The following TNFRSF11A variants were observed in gnomAD, a reference collection of about 807,000 sequenced individuals.
TNFRSF11A encodes the protein TNF receptor superfamily member 11a, also known as tumor necrosis factor receptor superfamily member 11A.
Under a neutral mutation model 55.7 loss-of-function variants are expected in TNFRSF11A, and 32 were observed. The ratio of observed to expected loss-of-function variants is 0.57; its 90% CI spans 0.43 to 0.77. The LOEUF (loss-of-function observed/expected upper bound fraction) is 0.77, where lower values mean the gene tolerates loss of function less well. TNFRSF11A is among the 30% of genes least tolerant of loss of function. TNFRSF11A has a pLI of 0.00. For synonymous variants in TNFRSF11A, 311 were observed against 331.0 expected, an observed-to-expected ratio of 0.94 and a Z score of 0.65; for missense variants, 753 against 809.8, an observed-to-expected ratio of 0.93 and a Z score of 0.85.
intron 1 of TNFRSF11A, among the ~76,000 whole-genome samples, chr18:62,333,524 A>G (rs9962159): frequency 0.31 from 46,695 of 152,012 alleles, 7,430 homozygotes; most frequent in East Asian, 0.41. Context: ...CCAGGCATGT[A>G]CTTTACACGG....
At position 62,348,153 on chromosome 18, in the gene TNFRSF11A, C is replaced by G; in HGVS notation, c.76-15C>G. On this transcript the variant is annotated splice_polypyrimidine_tract_variant and intron_variant, in intron 1 of 9. Transcript: ENST00000586569. ...GCTGTGTGGACTCTCTGCCTGACCT[C>G]AGTGTTCTTTTCAGGTGGCTTTGCA... 1 of 1,609,736 alleles carries G rather than the reference C, an allele frequency of 6.2e-7. No individual in the cohort carries two copies. The highest frequency in any genetic ancestry group is 1.1e-5 in the South Asian group (1 of 90,964).
At chr18:62,366,537 CTAAG>C (rs1319176214) in intron 7 of TNFRSF11A, among the ~76,000 whole-genome samples, 167 bp from the exon 8 acceptor site, 1 of 152,140 alleles carries the variant, frequency 6.6e-6, no homozygotes. Flanking sequence ...AAATGGGTAA[CTAAG>C]TGAGATGATG....
intron 1 of TNFRSF11A, among the ~76,000 whole-genome samples, chr18:62,331,548 T>C (rs907531709): frequency 2.0e-5 from 3 of 152,104 alleles, no homozygotes; most frequent in African/African-American, 7.2e-5. Context: ...TAGAGAGCCA[T>C]TGCCAGACCT....
chr18:62,361,928 A>G (rs1909718984), intron 7 of TNFRSF11A, 135 bp downstream of exon 7: 15 of 835,998 alleles, frequency 1.8e-5, no homozygotes, highest in Middle Eastern at 2.6e-4. Context: ...ACGTTTTATC[A>G]TTCTCTGGCA....
At chr18:62,331,123 G>C (rs971116991) in intron 1 of TNFRSF11A, among the ~76,000 whole-genome samples, 1 of 152,154 alleles carries the variant, frequency 6.6e-6, no homozygotes, top group Non-Finnish European at 1.5e-5. Context: ...AGAATCGCTT[G>C]TATCCAGGAG....
At chr18:62,354,172 T>C (rs2145307739) in intron 3 of TNFRSF11A, among the ~76,000 whole-genome samples, 1 of 152,254 alleles carries the variant, frequency 6.6e-6, no homozygotes, top group South Asian at 2.1e-4. Flanking sequence ...AAACTCTTAA[T>C]TATGAGAGAG....
At chr18:62,349,978 A>G in intron 3 of TNFRSF11A, 41 bp downstream of exon 3, 1 of 1,611,264 alleles carries the variant, frequency 6.2e-7, no homozygotes, top group Non-Finnish European at 8.5e-7. Context: ...AAGTGTAGAA[A>G]CCTCAGACCT....
intron 9 of TNFRSF11A, among the ~76,000 whole-genome samples, chr18:62,370,161 C>A (rs1463566242): frequency 3.9e-5 from 6 of 152,166 alleles, no homozygotes; most frequent in African/African-American, 1.4e-4. Flanking sequence ...TGAGCATGAA[C>A]AACCCACCGA....
intron 7 of TNFRSF11A, among the ~76,000 whole-genome samples, chr18:62,362,874 C>T (rs1021499974): frequency 6.6e-6 from 1 of 152,064 alleles, no homozygotes; most frequent in African/African-American, 2.4e-5. Context: ...GACAGAGTCT[C>T]GCTATGTTGC....
At position 62,349,816 on chromosome 18, in the gene TNFRSF11A, G is replaced by T. The variant is rs758952741; in HGVS notation, c.162G>T (p.Lys54Asn). The change falls in exon 3 of 10, where the codon AAG becomes AAT. Residue 54 changes from lysine (K) to asparagine (N), a missense_variant. Physicochemically the swap from Lys to Asn is moderately conservative, Grantham distance 94. This residue lies in a region of TNFRSF11A where 156 missense variants were observed against 155.1 expected (regional missense o/e 1.01). Transcript: ENST00000586569. ...GRCCNKCEPG[K>N]YMSSKCTTTS... ...TTTCTCCCTCATTTTTTTAAGGAAA[G>T]TACATGTCTTCTAAATGCACTACTA... is the stretch of plus-strand genomic sequence containing the variant. 24 of 1,613,832 alleles carry T rather than the reference G, an allele frequency of 1.5e-5. No homozygotes were observed. The highest frequency in any genetic ancestry group is 1.7e-5 in the Non-Finnish European group (20 of 1,179,886).
chr18:62,376,197 A>C (rs1280430118), intron 9 of TNFRSF11A, among the ~76,000 whole-genome samples: 1 of 151,612 alleles, frequency 6.6e-6, no homozygotes, highest in Non-Finnish European at 1.5e-5. Context: ...CTCTTCTGCC[A>C]GTTGTCTTGG....
chr18:62,342,052 C>G (rs1363746868), intron 1 of TNFRSF11A, among the ~76,000 whole-genome samples: 1 of 151,752 alleles, frequency 6.6e-6, no homozygotes, highest in Non-Finnish European at 1.5e-5. Context: ...CTCAAGGTAC[C>G]TTGTCCCCTC....
intron 5 of TNFRSF11A, among the ~76,000 whole-genome samples, chr18:62,359,579 A>T (rs1172863953): frequency 6.6e-6 from 1 of 152,076 alleles, no homozygotes; most frequent in Admixed American, 6.5e-5. Flanking sequence ...GGGTTTCACC[A>T]TGTTGCCCAG....
chr18:62,341,597 G>A (rs2046310608), intron 1 of TNFRSF11A, among the ~76,000 whole-genome samples: 1 of 152,074 alleles, frequency 6.6e-6, no homozygotes, highest in Non-Finnish European at 1.5e-5. Context: ...CTCCTCTATT[G>A]GATACAGACC....
chr18:62,343,700 AACAAATGCGTAGAAGAC>A (rs1201729827), intron 1 of TNFRSF11A, among the ~76,000 whole-genome samples: 8 of 152,226 alleles, frequency 5.3e-5, no homozygotes, highest in Non-Finnish European at 1.5e-5. Flanking sequence ...TATGCCCTGA[AACAAATGCGTAGAAGAC>A]ACAAAAAGAC....
intron 7 of TNFRSF11A, among the ~76,000 whole-genome samples, chr18:62,363,010 A>G (rs965240202): frequency 6.6e-6 from 1 of 151,752 alleles, no homozygotes; most frequent in African/African-American, 2.4e-5. Context: ...CGCCCAGCTA[A>G]TTTTTGTATT....
intron 7 of TNFRSF11A, among the ~76,000 whole-genome samples, 153 bp from the exon 8 acceptor site, chr18:62,366,555 A>G (rs1365049858): frequency 6.6e-6 from 1 of 152,236 alleles, no homozygotes; most frequent in Non-Finnish European, 1.5e-5. Context: ...GATGATGGGT[A>G]TGTTAATTTG....
chr18:62,370,449 T>C (rs1362147406), intron 9 of TNFRSF11A, among the ~76,000 whole-genome samples: 1 of 152,242 alleles, frequency 6.6e-6, no homozygotes, highest in East Asian at 1.9e-4. Flanking sequence ...AGATGCTTTT[T>C]CTTCTCTGCT....
At chr18:62,361,593 T>C in intron 6 of TNFRSF11A, 87 bp from the exon 7 acceptor site, 1 of 1,314,208 alleles carries the variant, frequency 7.6e-7, no homozygotes, top group South Asian at 1.2e-5. Context: ...TTTTTGATTC[T>C]GAGGTTTGAT....
Sources: gnomAD v4.1 joint callset for allele counts (sites outside exome capture counted in the v4.1 genomes callset) on GRCh38, gnomAD v4.1.1 for gene constraint, gnomAD v4.1.1 regional missense constraint, MANE v1.5 for transcripts, NCBI Gene and HGNC (gene_info 2026-07-23, HGNC 2026-07-21) for gene names.